The following SNTG2 variants were observed in gnomAD, a reference collection of about 807,000 sequenced individuals.
SNTG2 encodes gamma-2-syntrophin.
Under a neutral mutation model 70.9 loss-of-function variants are expected in SNTG2, and 74 were observed. The ratio of observed to expected loss-of-function variants is 1.04; its 90% CI spans 0.86 to 1.27. The LOEUF is 1.27. Ranked by LOEUF, SNTG2 falls within the 50% of genes most tolerant of loss-of-function variation. The probability of loss-of-function intolerance (pLI) is 0.00; values close to 1 mark genes in which losing one functional copy is unlikely to be tolerated. For synonymous variants in SNTG2, 278 were observed against 273.8 expected, an observed-to-expected ratio of 1.02 and a Z score of -0.15; for missense variants, 717 against 690.7, an observed-to-expected ratio of 1.04 and a Z score of -0.43.
At chr2:1,189,623 A>G (rs1672456025) in intron 8 of SNTG2, among the ~76,000 whole-genome samples, 1 of 151,826 alleles carries the variant, frequency 6.6e-6, no homozygotes, top group Admixed American at 6.6e-5. Flanking sequence ...CAGTGGCACA[A>G]TCTTGACTCA....
intron 12 of SNTG2, among the ~76,000 whole-genome samples, chr2:1,254,321 C>T (rs1367519729): frequency 6.6e-6 from 1 of 152,198 alleles, no homozygotes. Flanking sequence ...CAACAACTCA[C>T]ACACCCTACT....
At chr2:1,065,028 A>AT (rs1187667710) in intron 1 of SNTG2, among the ~76,000 whole-genome samples, 7 of 152,118 alleles carry the variant, frequency 4.6e-5, no homozygotes, top group African/African-American at 1.7e-4. Flanking sequence ...TGGGAAGGAG[A>AT]TTTTATGAGA....
intron 1 of SNTG2, among the ~76,000 whole-genome samples, chr2:1,037,086 A>T (rs1049744539): frequency 1.3e-5 from 2 of 152,240 alleles, no homozygotes; most frequent in African/African-American, 4.8e-5. Context: ...AAACCCACCA[A>T]GTCTGAGTGG....
intron 12 of SNTG2, 56 bp downstream of exon 12, chr2:1,247,499 A>G (rs1016390771): frequency 8.1e-7 from 1 of 1,229,674 alleles, no homozygotes; most frequent in Non-Finnish European, 1.2e-6. Context: ...CTATTCCTGT[A>G]GGAGGGGGAA....
rs527243062 is a variant in SNTG2 at position 1,080,108 on chromosome 2, G to T, written c.73-3410G>T. On this transcript the variant is annotated intron_variant, in intron 1 of 16. Coordinates refer to ENST00000308624, the MANE Select transcript of SNTG2 (RefSeq NM_018968.4). ...CCCAGGGCGGTGGCGAGGGGGACTT[G>T]TCCTGGGCAATGGTGTGGCTGGGGG... Among the ~76,000 whole-genome samples, 670 of 152,326 alleles carry T rather than the reference G, an allele frequency of 4.4e-3. 4 individuals are homozygous for T. The highest frequency in any genetic ancestry group is 0.016 in the Admixed American group (241 of 15,310).
intron 12 of SNTG2, among the ~76,000 whole-genome samples, chr2:1,249,169 AG>A (rs1242059061): frequency 6.6e-6 from 1 of 152,204 alleles, no homozygotes; most frequent in African/African-American, 2.4e-5. Flanking sequence ...CCCTCATTTT[AG>A]TGATGAGTGG....
chr2:954,628 T>G (rs922825233), intron 1 of SNTG2, among the ~76,000 whole-genome samples: 2 of 152,098 alleles, frequency 1.3e-5, no homozygotes, highest in African/African-American at 4.8e-5. Context: ...GAAGCCGAGG[T>G]TATCCTTCCT....
chr2:1,079,255 A>G (rs6548181), intron 1 of SNTG2, among the ~76,000 whole-genome samples: 124,982 of 152,226 alleles, frequency 0.82, 51,366 homozygotes, highest in Middle Eastern at 0.89. Flanking sequence ...CTGGAGGGCT[A>G]CAGGTGATGT....
chr2:997,710 C>A lies in SNTG2; in HGVS notation c.72+46642C>A, dbSNP rs76084964. ...TCTAGCTCTGCCAAACATAGACCCC[C>A]CTCTGGGGCTGAGTGGGGAGCCCAG... is the stretch of plus-strand genomic sequence containing the variant. On this transcript the variant is annotated intron_variant, in intron 1 of 16. Coordinates refer to ENST00000308624, the MANE Select transcript of SNTG2 (RefSeq NM_018968.4). 6.1e-3 allele frequency among the ~76,000 whole-genome samples: 926 copies of A among 152,292 alleles called. 7 individuals are homozygous for A. The highest frequency in any genetic ancestry group is 0.013 in the South Asian group (61 of 4,822).
In SNTG2 at chr2:1,068,672, G is replaced by A. The variant is rs555271120; in HGVS notation, c.73-14846G>A. 8.5e-5 allele frequency among the ~76,000 whole-genome samples: 13 copies of A among 152,272 alleles called. 1 individual carries two copies. In the South Asian group the frequency reaches 2.3e-3, roughly 27 times the overall value. On this transcript the variant is annotated intron_variant, in intron 1 of 16. Coordinates refer to ENST00000308624, the MANE Select transcript of SNTG2 (RefSeq NM_018968.4). ...AATAACAAAAGCTCTTTTGACAGTT[G>A]CTTAAAAATCCATTACATTTCATCT... is the stretch of plus-strand genomic sequence containing the variant.
intron 14 of SNTG2, among the ~76,000 whole-genome samples, chr2:1,272,878 GGAC>G (rs1275074637): frequency 2.0e-5 from 3 of 152,288 alleles, no homozygotes; most frequent in African/African-American, 7.2e-5. Context: ...CAGAACTGGA[GGAC>G]AACAGTGTCT....
At chr2:1,240,606 G>C (rs1198995830) in intron 11 of SNTG2, among the ~76,000 whole-genome samples, 1 of 152,164 alleles carries the variant, frequency 6.6e-6, no homozygotes, top group Non-Finnish European at 1.5e-5. Flanking sequence ...GCTTTAAATA[G>C]CGCACAAAAG....
chr2:1,073,800 G>T lies in SNTG2; in HGVS notation c.73-9718G>T, dbSNP rs145218108. The stretch of plus-strand genomic sequence containing the variant: ...TAATTGCTTTTGTGGTTAGGGTGAA[G>T]TTGCATGATGAAAACTTTGCATTCT... On this transcript the variant is annotated intron_variant, in intron 1 of 16. Transcript: ENST00000308624. Among the ~76,000 whole-genome samples, 376 of 152,332 alleles carry T rather than the reference G, an allele frequency of 2.5e-3. 4 individuals are homozygous for T. The highest frequency in any genetic ancestry group is 8.3e-3 in the African/African-American group (343 of 41,574).
chr2:1,039,021 T>C (rs1214758993), intron 1 of SNTG2, among the ~76,000 whole-genome samples: 1 of 152,212 alleles, frequency 6.6e-6, no homozygotes, highest in East Asian at 1.9e-4. Context: ...ATCTGTAAGT[T>C]CATATGGAGT....
intron 8 of SNTG2, among the ~76,000 whole-genome samples, chr2:1,180,375 AAAAC>A (rs1312474812): frequency 9.0e-5 from 12 of 133,888 alleles, no homozygotes; most frequent in South Asian, 2.5e-4. Context: ...TTACAAGAAA[AAAAC>A]AAACAACCCC....
At chr2:1,071,506 TGGGGGGA>T (rs1448930528) in intron 1 of SNTG2, among the ~76,000 whole-genome samples, 4 of 57,812 alleles carry the variant, frequency 6.9e-5, no homozygotes, top group Non-Finnish European at 9.3e-5. Context: ...TGTGGTGGGG[TGGGGGGA>T]GGGGGGAGGG....
At chr2:1,046,367 A>AGATT (rs763615103) in intron 1 of SNTG2, among the ~76,000 whole-genome samples, 72 of 152,218 alleles carry the variant, frequency 4.7e-4, no homozygotes, top group Non-Finnish European at 1.5e-4. Context: ...TTGAGGTTTA[A>AGATT]GATTGATATG....
At chr2:1,238,196 C>T (rs547127054) in intron 10 of SNTG2, among the ~76,000 whole-genome samples, 179 bp downstream of exon 10, 16 of 152,280 alleles carry the variant, frequency 1.1e-4, no homozygotes, top group African/African-American at 3.6e-4. Flanking sequence ...GTTTCCAAAT[C>T]AAAGAGTAAG....
intron 1 of SNTG2, among the ~76,000 whole-genome samples, chr2:1,012,844 A>G (rs1396699706): frequency 1.7e-5 from 1 of 60,530 alleles, no homozygotes; most frequent in East Asian, 3.3e-4. Context: ...AGAAGGATTT[A>G]TATGGGCAGA....
Sources: allele counts gnomAD v4.1 joint callset (sites outside exome capture counted in the v4.1 genomes callset), GRCh38; gene constraint gnomAD v4.1.1; transcripts MANE v1.5; gene names NCBI Gene and HGNC (gene_info 2026-07-23, HGNC 2026-07-21).